The following GRIA2 variants were observed in gnomAD, a reference collection of about 807,000 sequenced individuals.
GRIA2 encodes the protein glutamate ionotropic receptor AMPA type subunit 2.
A neutral mutation model predicts 97.3 loss-of-function variants in GRIA2; 14 were observed. The ratio of observed to expected loss-of-function variants is 0.14; its 90% confidence interval spans 0.10 to 0.23. GRIA2 has a LOEUF of 0.23. GRIA2 is among the 10% of genes least tolerant of loss of function. GRIA2 has a pLI of 1.00. For missense variants in GRIA2, 558 were observed against 1,069.8 expected (o/e 0.52, Z 6.67); for synonymous variants, 412 against 387.8 (o/e 1.06, Z -0.73).
rs966582550 is a variant in GRIA2, at chr4:157,298,685, T to C, written c.230-4867T>C. 6.2e-5 allele frequency among the ~76,000 whole-genome samples: 8 copies of C among 128,732 alleles called. No homozygotes were observed. In the Admixed American group the frequency reaches 7.3e-4, roughly 12 times the overall value. 84.5% of individuals were successfully genotyped at this position (128,732 alleles called of 152,430 possible). ...TTTGAACGTTATATTTTATCAAAAA[T>C]GACTCAGTGTGGAACACCAAAACAT... is the stretch of plus-strand genomic sequence containing the variant. On this transcript the variant is annotated intron_variant, in intron 2 of 15. Coordinates refer to ENST00000264426, the MANE Select transcript of GRIA2 (RefSeq NM_001083619.3).
In GRIA2 at chr4:157,363,027, G is replaced by A. The variant is rs2127005110; in HGVS notation, c.2635G>A (p.Glu879Lys). 3 of 1,611,684 alleles carry A rather than the reference G, an allele frequency of 1.9e-6. No homozygotes were observed. The highest frequency in any genetic ancestry group is 2.7e-5 in the African/African-American group (2 of 74,902). The stretch of plus-strand genomic sequence containing the variant: ...GGAAGGTTACAACGTATATGGCATC[G>A]AAAGTGTTAAAATTTAGGGGGTAGG... ...YKEGYNVYGI[E>K]SVKI The change falls in exon 15 of 16, where the codon GAA becomes AAA. Residue 879 changes from glutamate (E) to lysine (K), a missense_variant. By Grantham distance (56) the Glu-to-Lys change is moderately conservative. Transcript: ENST00000264426.
In GRIA2 at chr4:157,321,428, C is replaced by A; in HGVS notation, c.721-10C>A. 6.3e-7 allele frequency: 1 copy of A among 1,593,808 alleles called. No homozygotes were observed. The highest frequency in any genetic ancestry group is 1.1e-5 in the South Asian group (1 of 89,182). On this transcript the variant is annotated splice_polypyrimidine_tract_variant and intron_variant, in intron 5 of 15. Transcript: ENST00000264426. ...ACAAAAAGCGTGATATCAATGTGTT[C>A]TATGTTTAGGGATTTACTGATGGAG...
intron 12 of GRIA2, among the ~76,000 whole-genome samples, chr4:157,356,598 G>C (rs1435595672): frequency 6.6e-6 from 1 of 151,986 alleles, no homozygotes; most frequent in East Asian, 1.9e-4. Context: ...ATTTGTCTTT[G>C]ATTTGCATTT....
intron 2 of GRIA2, among the ~76,000 whole-genome samples, chr4:157,225,413 A>AT (rs1560998975): frequency 1.3e-5 from 2 of 151,380 alleles, no homozygotes; most frequent in South Asian, 2.1e-4. Context: ...GAGAACTAAG[A>AT]TTTTTTTTCC....
chr4:157,347,971 A>T (rs184191855), intron 12 of GRIA2, among the ~76,000 whole-genome samples: 1 of 152,078 alleles, frequency 6.6e-6, no homozygotes, highest in Non-Finnish European at 1.5e-5. Context: ...TAAAAATACA[A>T]AAATTAGCTG....
intron 3 of GRIA2, among the ~76,000 whole-genome samples, chr4:157,305,700 A>G (rs981525226): frequency 2.0e-5 from 3 of 151,966 alleles, no homozygotes; most frequent in South Asian, 4.1e-4. Context: ...TTCATATATC[A>G]TTTCCTCAGA....
intron 12 of GRIA2, among the ~76,000 whole-genome samples, chr4:157,352,263 G>T (rs1736041246): frequency 6.6e-6 from 1 of 152,074 alleles, no homozygotes; most frequent in Non-Finnish European, 1.5e-5. Context: ...GGATATCCAG[G>T]TGTTATTCCT....
intron 11 of GRIA2, among the ~76,000 whole-genome samples, chr4:157,340,674 G>A (rs904767672): frequency 8.6e-5 from 13 of 151,706 alleles, no homozygotes; most frequent in African/African-American, 3.1e-4. Flanking sequence ...ATTTTGTGCG[G>A]TATCTTTGCT....
chr4:157,325,564 C>A (rs1734766673), intron 6 of GRIA2, among the ~76,000 whole-genome samples: 2 of 152,186 alleles, frequency 1.3e-5, no homozygotes, highest in African/African-American at 4.8e-5. Flanking sequence ...TGGAGGTTGT[C>A]TTATTGCCAT....
At chr4:157,295,356 T>G (rs911415616) in intron 2 of GRIA2, among the ~76,000 whole-genome samples, 3 of 152,220 alleles carry the variant, frequency 2.0e-5, no homozygotes, top group Non-Finnish European at 4.4e-5. Context: ...GAGAAGTAAT[T>G]TATCATCATA....
At chr4:157,329,840 C>T (rs1371432502) in intron 6 of GRIA2, among the ~76,000 whole-genome samples, 1 of 151,896 alleles carries the variant, frequency 6.6e-6, no homozygotes. Context: ...TCCTGGGACT[C>T]AAGACTTTTC....
chr4:157,260,600 A>G (rs1296214681), intron 2 of GRIA2, among the ~76,000 whole-genome samples: 3 of 152,098 alleles, frequency 2.0e-5, no homozygotes, highest in African/African-American at 7.2e-5. Flanking sequence ...GTCATTGGCT[A>G]CAATTTAGTA....
intron 2 of GRIA2, among the ~76,000 whole-genome samples, chr4:157,228,281 T>G (rs749973266): frequency 3.3e-5 from 5 of 152,228 alleles, no homozygotes; most frequent in Non-Finnish European, 7.3e-5. Flanking sequence ...GCTATACATA[T>G]GGATTTCAGA....
intron 1 of GRIA2, chr4:157,221,466 C>A: frequency 1.7e-6 from 1 of 593,812 alleles, no homozygotes; most frequent in Non-Finnish European, 3.0e-6. Context: ...CCGCCTACCT[C>A]GCCTTCAGAC....
At chr4:157,335,491 C>T (rs1311433718) in intron 9 of GRIA2, 180 bp from the exon 10 acceptor site, 4 of 587,536 alleles carry the variant, frequency 6.8e-6, no homozygotes, top group East Asian at 5.7e-5. Context: ...ATAGACATTC[C>T]GAGGCTTTCT....
intron 14 of GRIA2, chr4:157,362,269 C>G (rs755263422): frequency 2.5e-6 from 1 of 394,786 alleles, no homozygotes; most frequent in Non-Finnish European, 5.1e-6. Flanking sequence ...TGCAGGATAA[C>G]TTCCTGAAGG....
chr4:157,278,321 A>T (rs1326507818), intron 2 of GRIA2, among the ~76,000 whole-genome samples: 1 of 151,946 alleles, frequency 6.6e-6, no homozygotes, highest in Non-Finnish European at 1.5e-5. Context: ...ATAGACTCAT[A>T]TAAGTATAGT....
chr4:157,227,790 A>T (rs1328233751), intron 2 of GRIA2, among the ~76,000 whole-genome samples: 1 of 152,234 alleles, frequency 6.6e-6, no homozygotes, highest in Non-Finnish European at 1.5e-5. Flanking sequence ...CCAAAGATCT[A>T]CATAATTGCC....
At chr4:157,321,116 A>C (rs1313782553) in intron 5 of GRIA2, among the ~76,000 whole-genome samples, 1 of 152,150 alleles carries the variant, frequency 6.6e-6, no homozygotes, top group Non-Finnish European at 1.5e-5. Flanking sequence ...GCTGTAGACC[A>C]AGTAAGTAAA....
Sources: allele counts gnomAD v4.1 joint callset (sites outside exome capture counted in the v4.1 genomes callset), GRCh38; gene constraint gnomAD v4.1.1; transcripts MANE v1.5; gene names NCBI Gene and HGNC (gene_info 2026-07-23, HGNC 2026-07-21).